KIAA0825: variants seen among roughly 807,000 people sequenced by gnomAD.
KIAA0825 encodes the protein KIAA0825.
A neutral mutation model predicts 147.6 loss-of-function variants in KIAA0825; 119 were observed. The ratio of observed to expected loss-of-function variants is 0.81; its 90% CI spans 0.69 to 0.94. The LOEUF is 0.94. KIAA0825 is among the 40% of genes least tolerant of loss of function. The pLI, the probability that KIAA0825 is intolerant of heterozygous loss-of-function variation, is 0.00. For missense variants in KIAA0825, 1,381 were observed against 1,472.7 expected, an observed-to-expected ratio of 0.94 and a Z score of 1.02; for synonymous variants, 470 against 518.1, an observed-to-expected ratio of 0.91 and a Z score of 1.26.
intron 2 of KIAA0825, among the ~76,000 whole-genome samples, chr5:94,561,973 A>C (rs1258305308): frequency 1.3e-5 from 2 of 152,216 alleles, no homozygotes; most frequent in Non-Finnish European, 2.9e-5. Context: ...ATGTGGCTTA[A>C]ACAATTTTTA....
At chr5:94,184,115 G>C (rs1769906162) in intron 20 of KIAA0825, among the ~76,000 whole-genome samples, 1 of 152,176 alleles carries the variant, frequency 6.6e-6, no homozygotes, top group Non-Finnish European at 1.5e-5. Flanking sequence ...CATGCAGTTG[G>C]TGTCTACAGA....
rs947454929 is a variant in KIAA0825 at position 94,469,563 on chromosome 5, A to G, written c.1872+398T>C. ...TAAAGCTGCTTAATAAAAGGTATTT[A>G]TCAAACACATATGGAAATGTATAAC... On this transcript the variant is annotated intron_variant, in intron 10 of 20. Coordinates refer to ENST00000682413, the MANE Select transcript of KIAA0825 (RefSeq NM_001145678.3). 4.6e-5 allele frequency among the ~76,000 whole-genome samples: 7 copies of G among 152,260 alleles called. 1 individual carries two copies. Among genetic ancestry groups the G allele is most frequent in the African/African-American group, 1.2e-4 (5 of 41,468 alleles).
chr5:94,606,808 G>C (rs1193838221), intron 1 of KIAA0825, among the ~76,000 whole-genome samples: 1 of 152,156 alleles, frequency 6.6e-6, no homozygotes, highest in Non-Finnish European at 1.5e-5. Context: ...GGCTGTACAA[G>C]CACAGTGCCA....
chr5:94,506,672 T>A (rs896652384), intron 5 of KIAA0825, among the ~76,000 whole-genome samples: 1 of 152,334 alleles, frequency 6.6e-6, no homozygotes. Context: ...ATATACTTTT[T>A]AAAAATATAT....
chr5:94,525,650 GT>G (rs988340265), intron 3 of KIAA0825, among the ~76,000 whole-genome samples: 6 of 152,012 alleles, frequency 3.9e-5, no homozygotes, highest in African/African-American at 1.2e-4. Flanking sequence ...TTTATCAAAG[GT>G]TTTTATTATA....
At chr5:94,262,976 C>T (rs1021219973) in intron 20 of KIAA0825, among the ~76,000 whole-genome samples, 1 of 152,104 alleles carries the variant, frequency 6.6e-6, no homozygotes, top group Non-Finnish European at 1.5e-5. Flanking sequence ...TTACTATGCT[C>T]CCTAGAAATG....
At chr5:94,570,743 G>A (rs1167171390) in intron 2 of KIAA0825, 1 of 152,098 alleles carries the variant, frequency 6.6e-6, no homozygotes, top group African/African-American at 2.4e-5. Flanking sequence ...TCCTTCCAAG[G>A]ACAAATCAGA....
intron 20 of KIAA0825, among the ~76,000 whole-genome samples, chr5:94,197,882 A>G (rs191006066): frequency 6.3e-4 from 96 of 152,300 alleles, no homozygotes; most frequent in Non-Finnish European, 1.1e-3. Context: ...GCATTGTAAT[A>G]TAGTTTGAAG....
At chr5:94,576,920 A>C (rs1561342145) in intron 2 of KIAA0825, among the ~76,000 whole-genome samples, 1 of 151,996 alleles carries the variant, frequency 6.6e-6, no homozygotes, top group Non-Finnish European at 1.5e-5. Flanking sequence ...ACTCTTCTTA[A>C]AAAAAAATTT....
chr5:94,168,839 CT>C (rs963559657), intron 20 of KIAA0825, among the ~76,000 whole-genome samples: 7 of 152,086 alleles, frequency 4.6e-5, no homozygotes, highest in Non-Finnish European at 1.0e-4. Context: ...TCCTGTTAAA[CT>C]TGATATATCT....
In KIAA0825 at chr5:94,348,393, C is replaced by T. The variant is rs192462504; in HGVS notation, c.3710+35975G>A. Among the ~76,000 whole-genome samples, 6 of 152,188 alleles carry T rather than the reference C, an allele frequency of 3.9e-5. No individual in the cohort carries two copies. In the East Asian group the frequency reaches 5.8e-4, roughly 15 times the overall value. On this transcript the variant is annotated intron_variant, in intron 20 of 20. Transcript: ENST00000682413. Reference sequence around the variant, plus strand: ...GGAAAGAATCTTAAGAGCTATGATACGGAAGCACTAGGTAACCTTTAAAGG... The same window carrying T: ...GGAAAGAATCTTAAGAGCTATGATATGGAAGCACTAGGTAACCTTTAAAGG...
At chr5:94,589,099 A>G (rs1202976100) in intron 1 of KIAA0825, among the ~76,000 whole-genome samples, 3 of 152,216 alleles carry the variant, frequency 2.0e-5, no homozygotes, top group Non-Finnish European at 2.9e-5. Flanking sequence ...CGGCACAGGT[A>G]TACCTATGCA....
intron 5 of KIAA0825, among the ~76,000 whole-genome samples, chr5:94,487,669 C>T (rs112577926): frequency 0.016 from 2,431 of 152,286 alleles, 71 homozygotes; most frequent in African/African-American, 0.055. Flanking sequence ...AATCTCCTTT[C>T]CGCATTTTTC....
chr5:94,422,796 A>G (rs927596761), intron 14 of KIAA0825, among the ~76,000 whole-genome samples: 9 of 152,180 alleles, frequency 5.9e-5, no homozygotes, highest in Admixed American at 6.6e-5. Context: ...GTTCAAACAA[A>G]TGTCATCCAC....
Position 94,152,841 on chromosome 5 carries a change from AAAAAAAAAAAAAAATT to A in KIAA0825, c.*1150_*1165del, listed in dbSNP as rs1766610931. ...AAAATGAAAAAAAAAAAAAAAAAAAAAAAAAAAAAAAAAATTATATATATATATATATATATATATA... is the reference window on the plus strand; with the variant it reads ...AAAATGAAAAAAAAAAAAAAAAAAAAATATATATATATATATATATATATA... On this transcript the variant is annotated 3_prime_UTR_variant, in exon 21 of 21. Coordinates refer to ENST00000682413, the MANE Select transcript of KIAA0825 (RefSeq NM_001145678.3). 1 of 33,858 alleles carries A rather than the reference AAAAAAAAAAAAAAATT, an allele frequency of 3.0e-5. No homozygotes were observed. The highest frequency in any genetic ancestry group is 5.8e-5 in the Non-Finnish European group (1 of 17,186). The allele number at this position is 33,858 out of a possible 1,614,324, so 2.1% of individuals were successfully genotyped here.
At chr5:94,337,858 T>C (rs757004092) in intron 20 of KIAA0825, among the ~76,000 whole-genome samples, 5 of 152,214 alleles carry the variant, frequency 3.3e-5, no homozygotes, top group Admixed American at 6.5e-5. Flanking sequence ...CTAAGTGCTT[T>C]TGAAGACTTT....
intron 20 of KIAA0825, among the ~76,000 whole-genome samples, chr5:94,256,359 T>C (rs1776255199): frequency 6.6e-6 from 1 of 152,172 alleles, no homozygotes. Context: ...TATGGGCTGA[T>C]CTCATCACTA....
At chr5:94,276,367 G>T (rs796763794) in intron 20 of KIAA0825, among the ~76,000 whole-genome samples, 1 of 151,980 alleles carries the variant, frequency 6.6e-6, no homozygotes, top group Non-Finnish European at 1.5e-5. Context: ...TTTAACTAAT[G>T]CAGACTTCTT....
intron 2 of KIAA0825, among the ~76,000 whole-genome samples, chr5:94,541,492 C>T (rs1160993738): frequency 6.6e-6 from 1 of 152,092 alleles, no homozygotes; most frequent in Non-Finnish European, 1.5e-5. Context: ...TAAAATAAGG[C>T]TGAAGGTTTA....
Sources: gnomAD v4.1 joint callset for allele counts (sites outside exome capture counted in the v4.1 genomes callset) on GRCh38, gnomAD v4.1.1 for gene constraint, MANE v1.5 for transcripts, NCBI Gene and HGNC (gene_info 2026-07-23, HGNC 2026-07-21) for gene names.